Variants in ARID4A observed in about 807,000 individuals in gnomAD.
ARID4A encodes AT-rich interactive domain-containing protein 4A.
A neutral mutation model predicts 148.6 loss-of-function variants in ARID4A; 39 were observed. The ratio of observed to expected loss-of-function variants is 0.26; its 90% CI spans 0.20 to 0.34. The LOEUF is 0.34. ARID4A is among the 10% of genes least tolerant of loss of function. The probability of loss-of-function intolerance (pLI) is 1.00; values close to 1 mark genes in which losing one functional copy is unlikely to be tolerated. For synonymous variants in ARID4A, 475 were observed against 481.2 expected (o/e 0.99, Z 0.17); for missense variants, 1,265 against 1,449.1 (o/e 0.87, Z 2.06).
chr14:58,347,221 G>T, intron 14 of ARID4A, 104 bp downstream of exon 14: 1 of 591,048 alleles, frequency 1.7e-6, no homozygotes, highest in African/African-American at 1.9e-5. Context: ...TAAAGTTAGA[G>T]AAAGTATATA....
At chr14:58,324,426 C>T (rs1217772843) in intron 8 of ARID4A, among the ~76,000 whole-genome samples, 1 of 152,044 alleles carries the variant, frequency 6.6e-6, no homozygotes, top group East Asian at 1.9e-4. Flanking sequence ...CAGGAGTGTG[C>T]CTCCACACCT....
intron 11 of ARID4A, among the ~76,000 whole-genome samples, chr14:58,330,997 T>G (rs113060669): frequency 2.6e-5 from 4 of 152,340 alleles, no homozygotes; most frequent in African/African-American, 9.6e-5. Flanking sequence ...GGGGGACCTA[T>G]TTGAGCATGA....
intron 7 of ARID4A, among the ~76,000 whole-genome samples, chr14:58,322,419 G>T (rs577076868): frequency 6.6e-6 from 1 of 152,156 alleles, no homozygotes; most frequent in South Asian, 2.1e-4. Context: ...TTAACAAGTT[G>T]AGTTATCTGG....
chr14:58,346,652 G>C (rs917580417), intron 13 of ARID4A, 147 bp downstream of exon 13: 8 of 589,356 alleles, frequency 1.4e-5, no homozygotes, highest in African/African-American at 9.7e-5. Context: ...TCCTGGCCAG[G>C]CACGGTGGCT....
chr14:58,341,323 T>TA (rs2034108010), intron 11 of ARID4A, among the ~76,000 whole-genome samples: 1 of 152,250 alleles, frequency 6.6e-6, no homozygotes, highest in African/African-American at 2.4e-5. Flanking sequence ...AGCATACTAT[T>TA]ACAAAGTCCT....
chr14:58,359,107 CTTTTTTTTTT>C lies in ARID4A; in HGVS notation c.1854-13_1854-4del. On this transcript the variant is annotated splice_polypyrimidine_tract_variant and intron_variant, in intron 17 of 23. Transcript: ENST00000355431. ...ATAATGTATAAAGTTTGTACAAACTCTTTTTTTTTTTTTTTTTTTTTAAGGTATGATGAGT... is the reference window on the plus strand; with the variant it reads ...ATAATGTATAAAGTTTGTACAAACTCTTTTTTTTTTTAAGGTATGATGAGT... 2 of 1,298,550 alleles carry C rather than the reference CTTTTTTTTTT, an allele frequency of 1.5e-6. No individual in the cohort carries two copies. Among genetic ancestry groups the C allele is most frequent in the Non-Finnish European group, 2.0e-6 (2 of 982,666 alleles). The allele number at this position is 1,298,550 out of a possible 1,614,324, so 80.4% of individuals were successfully genotyped here.
At chr14:58,341,675 A>C (rs77132798) in intron 11 of ARID4A, among the ~76,000 whole-genome samples, 35 of 152,358 alleles carry the variant, frequency 2.3e-4, no homozygotes, top group African/African-American at 8.2e-4. Flanking sequence ...GTTTGAGCTT[A>C]ATCTGAAGAC....
At chr14:58,306,906 A>G (rs2031648807) in intron 5 of ARID4A, among the ~76,000 whole-genome samples, 2 of 152,248 alleles carry the variant, frequency 1.3e-5, no homozygotes, top group South Asian at 2.1e-4. Context: ...TAAGAAAAAT[A>G]TAGATGCTCC....
chr14:58,325,417 G>T (rs2033154645), intron 8 of ARID4A, among the ~76,000 whole-genome samples: 1 of 152,058 alleles, frequency 6.6e-6, no homozygotes, highest in South Asian at 2.1e-4. Flanking sequence ...TGAGTAGCTT[G>T]GGACCACAGG....
intron 23 of ARID4A, 137 bp downstream of exon 23, chr14:58,367,166 T>C: frequency 3.0e-6 from 2 of 662,598 alleles, no homozygotes; most frequent in Non-Finnish European, 4.4e-6. Context: ...TTTTCTATTG[T>C]TGAAATGAGT....
At chr14:58,322,619 C>T (rs1256627718) in intron 7 of ARID4A, among the ~76,000 whole-genome samples, 1 of 152,098 alleles carries the variant, frequency 6.6e-6, no homozygotes, top group East Asian at 1.9e-4. Context: ...AATAGCTCTG[C>T]ATACTTTAAT....
chr14:58,349,900 A>G (rs2034553408), intron 15 of ARID4A, among the ~76,000 whole-genome samples: 1 of 151,938 alleles, frequency 6.6e-6, no homozygotes, highest in African/African-American at 2.4e-5. Flanking sequence ...CACGAGGTCA[A>G]GAGATCAAGA....
At chr14:58,321,954 TTG>T (rs111735080) in intron 7 of ARID4A, among the ~76,000 whole-genome samples, 26,561 of 102,450 alleles carry the variant, frequency 0.26, 2,764 homozygotes, top group Middle Eastern at 0.36. Context: ...GTTGTTGTTG[TTG>T]TTTTTTTTGG....
At position 58,366,545 on chromosome 14, in the gene ARID4A, G is replaced by T. The variant is rs539087448; in HGVS notation, c.3523+315G>T. On this transcript the variant is annotated intron_variant, in intron 22 of 23. Transcript: ENST00000355431. The stretch of plus-strand genomic sequence containing the variant: ...AATAGCCAGTAGTTATTTCTATTAT[G>T]TAACTAGTAGTAGTGAAGAAAATGT... 1.4e-4 allele frequency among the ~76,000 whole-genome samples: 22 copies of T among 152,262 alleles called. No homozygotes were observed. The East Asian group carries it at 4.0e-3, about 28-fold the overall frequency.
rs1488333865 is a variant in ARID4A at position 58,301,637 on chromosome 14, G to A, written c.64G>A (p.Gly22Ser). ...VGTDVSAKYR[G>S]AFCEAKIKTV... ...AACCGATGTCAGTGCCAAGTACCGA[G>A]GTGCCTTCTGTGAGGCAAAGATTAA... The change falls in exon 3 of 24, where the codon GGT becomes AGT. Residue 22 changes from glycine (G) to serine (S), a missense_variant. This residue lies in a region of ARID4A where 22 missense variants were observed against 43.8 expected (regional missense o/e 0.50). Coordinates refer to ENST00000355431, the MANE Select transcript of ARID4A (RefSeq NM_002892.4). 6.2e-7 allele frequency: 1 copy of A among 1,614,052 alleles called. No individual in the cohort carries two copies. Among genetic ancestry groups the A allele is most frequent in the Non-Finnish European group, 8.5e-7 (1 of 1,179,980 alleles).
At chr14:58,316,050 CA>C (rs1332996702) in intron 5 of ARID4A, among the ~76,000 whole-genome samples, 1 of 152,066 alleles carries the variant, frequency 6.6e-6, no homozygotes, top group African/African-American at 2.4e-5. Context: ...AATTTTCTTT[CA>C]AAAAACTTAT....
chr14:58,373,123 A>T lies in ARID4A; in HGVS notation c.*1134A>T, dbSNP rs2035676532. ...AAACTTTGGCAGTCCTAGTATTTAAACTGTTTTGAGGATCAAATTTTTGGT... is the reference window on the plus strand; with the variant it reads ...AAACTTTGGCAGTCCTAGTATTTAATCTGTTTTGAGGATCAAATTTTTGGT... On this transcript the variant is annotated 3_prime_UTR_variant, in exon 24 of 24. Transcript: ENST00000355431. The T allele has an allele frequency of 5.0e-6, 1 of 198,092 alleles. No individual in the cohort carries two copies. The highest frequency in any genetic ancestry group is 7.8e-5 in the East Asian group (1 of 12,758). The allele number at this position is 198,092 out of a possible 1,614,324, so 12.3% of individuals were successfully genotyped here.
chr14:58,358,983 C>G, intron 17 of ARID4A, 149 bp from the exon 18 acceptor site: 1 of 789,556 alleles, frequency 1.3e-6, no homozygotes, highest in Non-Finnish European at 1.9e-6. Flanking sequence ...TACCAGCAAA[C>G]CAGCCCCTGT....
At chr14:58,361,972 T>C (rs1289867948) in intron 19 of ARID4A, among the ~76,000 whole-genome samples, 1 of 152,260 alleles carries the variant, frequency 6.6e-6, no homozygotes, top group Admixed American at 6.5e-5. Flanking sequence ...GTATCATTTT[T>C]ATCTAAAATT....
Sources: allele counts gnomAD v4.1 joint callset (sites outside exome capture counted in the v4.1 genomes callset), GRCh38; gene constraint gnomAD v4.1.1; regional missense constraint gnomAD v4.1.1; transcripts MANE v1.5; gene names NCBI Gene and HGNC (gene_info 2026-07-23, HGNC 2026-07-21).